OLFM3: variants seen among roughly 807,000 people sequenced by gnomAD.
The protein encoded by OLFM3 is noelin-3.
OLFM3 carries 20 observed loss-of-function variants against 48.6 expected under a neutral mutation model. The observed-to-expected ratio is 0.41, with a 90% CI of 0.29 to 0.60. The LOEUF is 0.60. Ranked by LOEUF, OLFM3 falls within the 20% of genes least tolerant of loss-of-function variation. The pLI is 0.28. For synonymous variants in OLFM3, 222 were observed against 198.1 expected (o/e 1.12, Z -1.01); for missense variants, 437 against 544.3 (o/e 0.80, Z 1.96).
intron 3 of OLFM3, among the ~76,000 whole-genome samples, chr1:101,826,654 TAAG>T (rs1654880716): frequency 6.6e-6 from 1 of 152,186 alleles, no homozygotes; most frequent in Non-Finnish European, 1.5e-5. Context: ...AGTGGGAGGC[TAAG>T]GAGAGACTTA....
intron 1 of OLFM3, among the ~76,000 whole-genome samples, chr1:101,888,074 C>T (rs529912101): frequency 5.2e-4 from 79 of 152,014 alleles, no homozygotes; most frequent in African/African-American, 1.9e-3. Flanking sequence ...TTTTTACTGC[C>T]CAAGGTAATT....
chr1:101,865,818 T>C (rs904756726), intron 1 of OLFM3, among the ~76,000 whole-genome samples: 27 of 152,210 alleles, frequency 1.8e-4, no homozygotes, highest in African/African-American at 6.0e-4. Context: ...TATAAAATTA[T>C]ATAACATTTA....
At chr1:101,830,486 C>G (rs1270700785) in intron 3 of OLFM3, among the ~76,000 whole-genome samples, 186 bp downstream of exon 3, 1 of 152,180 alleles carries the variant, frequency 6.6e-6, no homozygotes, top group African/African-American at 2.4e-5. Flanking sequence ...TTTTCTATAG[C>G]AAGACTTCCA....
At position 101,836,884 on chromosome 1, in the gene OLFM3, C is replaced by G; in HGVS notation, c.211G>C (p.Glu71Gln). ...AKSRQLRQLL[E>Q]KVQNMSQSIE... ...AGGGGACACAGGACACCTACCTTTT[C>G]CAGTAGTTGGCGAAGTTGCCTGCTT... is the stretch of plus-strand genomic sequence containing the variant. Residue 71 changes from glutamate to glutamine, a missense_variant, in exon 2 of 6, where the codon GAA (glutamate) becomes CAA (glutamine). By Grantham distance (29) the Glu-to-Gln change is conservative. Coordinates refer to ENST00000370103, the MANE Select transcript of OLFM3 (RefSeq NM_058170.4). The G allele has an allele frequency of 6.2e-7, 1 of 1,614,082 alleles. No individual in the cohort carries two copies. Among genetic ancestry groups the G allele is most frequent in the Non-Finnish European group, 8.5e-7 (1 of 1,179,960 alleles).
intron 1 of OLFM3, among the ~76,000 whole-genome samples, chr1:101,991,345 G>A (rs936543673): frequency 6.6e-6 from 1 of 152,028 alleles, no homozygotes; most frequent in Non-Finnish European, 1.5e-5. Context: ...CAATTAAGTT[G>A]TGTTTTGTGC....
At position 101,802,892 on chromosome 1, in the gene OLFM3, T is replaced by A. The variant is rs1653556740; in HGVS notation, c.*1346A>T. Reference sequence around the variant, plus strand: ...ATGTGGAAAATACATCCAAACTCAATGAAATGTTTGATATATAGTTAGCTT... The same window carrying A: ...ATGTGGAAAATACATCCAAACTCAAAGAAATGTTTGATATATAGTTAGCTT... On this transcript the variant is annotated 3_prime_UTR_variant, in exon 6 of 6. Coordinates refer to ENST00000370103, the MANE Select transcript of OLFM3 (RefSeq NM_058170.4). The A allele has an allele frequency of 6.6e-6, 1 of 151,644 alleles. No individual in the cohort carries two copies. Among genetic ancestry groups the A allele is most frequent in the African/African-American group, 2.4e-5 (1 of 41,382 alleles). 9.4% of individuals were successfully genotyped at this position (151,644 alleles called of 1,614,324 possible). A position where few individuals can be genotyped will look rare whatever the true frequency, so the allele number is the denominator to read the frequency against.
intron 4 of OLFM3, among the ~76,000 whole-genome samples, chr1:101,813,469 T>C (rs575936386): frequency 6.6e-6 from 1 of 152,294 alleles, no homozygotes; most frequent in South Asian, 2.1e-4. Context: ...AGTAAAAAAA[T>C]CAAATATAGT....
intron 1 of OLFM3, among the ~76,000 whole-genome samples, chr1:101,864,127 T>C (rs1217672543): frequency 6.6e-6 from 1 of 152,170 alleles, no homozygotes; most frequent in Non-Finnish European, 1.5e-5. Context: ...TGTTACTGAA[T>C]TAGCTCATAT....
intron 1 of OLFM3, among the ~76,000 whole-genome samples, chr1:101,878,173 A>T (rs1657377462): frequency 6.6e-6 from 1 of 151,942 alleles, no homozygotes; most frequent in African/African-American, 2.4e-5. Flanking sequence ...TTTATGTCTT[A>T]GAGACATTTA....
intron 1 of OLFM3, among the ~76,000 whole-genome samples, chr1:101,945,252 A>G (rs1214557854): frequency 1.3e-5 from 2 of 152,232 alleles, no homozygotes; most frequent in African/African-American, 4.8e-5. Flanking sequence ...TGATGAAAAC[A>G]ACTCAAATGT....
chr1:101,985,914 A>G (rs1471738229), intron 1 of OLFM3, among the ~76,000 whole-genome samples: 2 of 151,856 alleles, frequency 1.3e-5, no homozygotes. Flanking sequence ...AACTTAACCA[A>G]TTTGAGAGGC....
chr1:101,838,948 A>G (rs887888302), intron 1 of OLFM3, among the ~76,000 whole-genome samples: 1 of 152,144 alleles, frequency 6.6e-6, no homozygotes, highest in Non-Finnish European at 1.5e-5. Context: ...AAACCACCAC[A>G]AAGGTCTTTT....
intron 1 of OLFM3, among the ~76,000 whole-genome samples, chr1:101,898,692 T>C (rs949641202): frequency 2.0e-5 from 3 of 151,946 alleles, no homozygotes; most frequent in African/African-American, 7.3e-5. Context: ...CTACTAAAAA[T>C]ACAAAAATTA....
intron 1 of OLFM3, among the ~76,000 whole-genome samples, chr1:101,915,697 C>G (rs1658903573): frequency 6.6e-6 from 1 of 152,132 alleles, no homozygotes; most frequent in Non-Finnish European, 1.5e-5. Context: ...CGTCCTATCG[C>G]TGGAAACCAC....
chr1:101,902,875 A>ACC (rs763774109), intron 1 of OLFM3, among the ~76,000 whole-genome samples: 5 of 152,072 alleles, frequency 3.3e-5, no homozygotes, highest in Non-Finnish European at 5.9e-5. Flanking sequence ...TGTCTGTGAG[A>ACC]GTTATATCTG....
chr1:101,860,877 A>T (rs927451968), intron 1 of OLFM3, among the ~76,000 whole-genome samples: 3 of 152,008 alleles, frequency 2.0e-5, no homozygotes, highest in African/African-American at 7.3e-5. Flanking sequence ...GGTTGTCAAG[A>T]GGCTTAAACA....
intron 1 of OLFM3, among the ~76,000 whole-genome samples, chr1:101,909,506 TAA>T (rs1338093434): frequency 6.6e-6 from 1 of 152,212 alleles, no homozygotes; most frequent in Non-Finnish European, 1.5e-5. Context: ...TTCACTATTT[TAA>T]AAACCGTCTA....
chr1:101,917,989 T>TAA (rs201181597), intron 1 of OLFM3, among the ~76,000 whole-genome samples: 3 of 151,914 alleles, frequency 2.0e-5, no homozygotes, highest in African/African-American at 4.8e-5. Context: ...GAACATTGAT[T>TAA]AAAAAAAACC....
intron 1 of OLFM3, among the ~76,000 whole-genome samples, chr1:101,877,919 G>GT (rs779693822): frequency 1.3e-5 from 2 of 151,474 alleles, no homozygotes; most frequent in Admixed American, 6.6e-5. Context: ...TGCTAGATAA[G>GT]TTTTTTTTCT....
Sources: allele counts gnomAD v4.1 joint callset (sites outside exome capture counted in the v4.1 genomes callset), GRCh38; gene constraint gnomAD v4.1.1; transcripts MANE v1.5; gene names NCBI Gene and HGNC (gene_info 2026-07-23, HGNC 2026-07-21).